The following KMT2C variants were observed in gnomAD, a reference collection of about 807,000 sequenced individuals.
KMT2C encodes the protein histone-lysine N-methyltransferase 2C.
KMT2C carries 88 observed loss-of-function variants against 507.9 expected under a neutral mutation model. The ratio of observed to expected loss-of-function variants is 0.17; its 90% CI spans 0.15 to 0.21. The LOEUF (loss-of-function observed/expected upper bound fraction) is 0.21. Ranked by LOEUF, KMT2C falls within the 10% of genes least tolerant of loss-of-function variation. The pLI, the probability that KMT2C is intolerant of heterozygous loss-of-function variation, is 1.00. For missense variants in KMT2C, 4,954 were observed against 5,957.8 expected (o/e 0.83, Z 5.55); for synonymous variants, 2,049 against 2,080.8 (o/e 0.98, Z 0.42).
chr7:152,389,173 C>T (rs1297347165), intron 1 of KMT2C, among the ~76,000 whole-genome samples: 3 of 151,976 alleles, frequency 2.0e-5, no homozygotes, highest in Admixed American at 1.3e-4. Flanking sequence ...TGAGCCACTG[C>T]GCCCAGCCAA....
rs558114012 is a variant in KMT2C, at chr7:152,167,431, A to AT, written c.9518-54dup. On this transcript the variant is annotated intron_variant, in intron 41 of 58. Transcript: ENST00000262189. Reference sequence around the variant, plus strand: ...TTAATTTTCTAAAGAGTCCAACATTATAAGTTACACAAATCTATTTTGTAA... The same window carrying AT: ...TTAATTTTCTAAAGAGTCCAACATTATTAAGTTACACAAATCTATTTTGTAA... The AT allele has an allele frequency of 7.4e-5, 90 of 1,211,686 alleles. No homozygotes were observed. The South Asian group carries it at 1.1e-3, about 15-fold the overall frequency. The allele number at this position is 1,211,686 out of a possible 1,614,324, so 75.1% of individuals were successfully genotyped here.
intron 27 of KMT2C, among the ~76,000 whole-genome samples, chr7:152,197,269 G>A (rs2093991588): frequency 6.6e-6 from 1 of 152,174 alleles, no homozygotes; most frequent in Admixed American, 6.5e-5. Flanking sequence ...GGATTCTACG[G>A]GTTTGGGCTT....
chr7:152,423,318 T>C (rs2097789745), intron 1 of KMT2C, among the ~76,000 whole-genome samples: 1 of 152,106 alleles, frequency 6.6e-6, no homozygotes, highest in African/African-American at 2.4e-5. Flanking sequence ...CCAGCCTGCA[T>C]GACAGAGCGA....
At chr7:152,246,664 A>G (rs1239950314) in intron 14 of KMT2C, among the ~76,000 whole-genome samples, 1 of 152,118 alleles carries the variant, frequency 6.6e-6, no homozygotes, top group Non-Finnish European at 1.5e-5. Flanking sequence ...GAACAACATA[A>G]TTATTATATA....
chr7:152,205,536 T>C (rs2094283771), intron 24 of KMT2C, among the ~76,000 whole-genome samples: 1 of 152,108 alleles, frequency 6.6e-6, no homozygotes. Flanking sequence ...ATTTGACAAA[T>C]ATTAGTGCCT....
chr7:152,140,331 T>G (rs187740884), intron 55 of KMT2C, among the ~76,000 whole-genome samples: 12 of 152,204 alleles, frequency 7.9e-5, no homozygotes, highest in Admixed American at 7.2e-4. Flanking sequence ...TGGAAACAAA[T>G]GAAGCTCTTG....
Position 152,163,841 on chromosome 7 carries a change from T to G in KMT2C, c.9751-15A>C, listed in dbSNP as rs935146085. ...TGTTTACGAATCTGGAATAACAAAATGCATCATTACTCATTTCTATACAGC... is the reference window on the plus strand; with the variant it reads ...TGTTTACGAATCTGGAATAACAAAAGGCATCATTACTCATTTCTATACAGC... On this transcript the variant is annotated splice_polypyrimidine_tract_variant and intron_variant, in intron 42 of 58. Transcript: ENST00000262189. 6.2e-7 allele frequency: 1 copy of G among 1,606,616 alleles called. No homozygotes were observed. The highest frequency in any genetic ancestry group is 8.5e-7 in the Non-Finnish European group (1 of 1,173,308).
chr7:152,178,743 GAAGAA>G (rs1037375002), intron 37 of KMT2C, among the ~76,000 whole-genome samples: 3 of 152,088 alleles, frequency 2.0e-5, no homozygotes, highest in Admixed American at 1.3e-4. Context: ...AACTAAGGTA[GAAGAA>G]AAGGAAACTA....
intron 2 of KMT2C, among the ~76,000 whole-genome samples, chr7:152,334,927 T>C (rs1430080166): frequency 6.6e-6 from 1 of 152,230 alleles, no homozygotes; most frequent in Non-Finnish European, 1.5e-5. Flanking sequence ...GTTTAACCCA[T>C]GCCCTAATTA....
In KMT2C at chr7:152,156,741, C is replaced by T. The variant is rs573029749; in HGVS notation, c.11671-395G>A. ...CCTTTAAGTTCTCATTAAGATATGC[C>T]CTAGTTCTATGAAAAACTTAAGAAT... On this transcript the variant is annotated intron_variant, in intron 44 of 58. Transcript: ENST00000262189. Among the ~76,000 whole-genome samples, 16 of 152,096 alleles carry T rather than the reference C, an allele frequency of 1.1e-4. No homozygotes were observed. The East Asian group carries it at 2.9e-3, about 27-fold the overall frequency.
At chr7:152,225,451 G>C (rs915602913) in intron 18 of KMT2C, among the ~76,000 whole-genome samples, 1 of 152,204 alleles carries the variant, frequency 6.6e-6, no homozygotes, top group Non-Finnish European at 1.5e-5. Context: ...TGCTAGAAGA[G>C]TATAAGTTTC....
chr7:152,259,489 C>CAT (rs1475340079), intron 9 of KMT2C, among the ~76,000 whole-genome samples: 27 of 113,778 alleles, frequency 2.4e-4, no homozygotes, highest in Non-Finnish European at 5.3e-4. Flanking sequence ...CACACACACA[C>CAT]AGAGAAAGCA....
chr7:152,152,804 G>A lies in KMT2C; in HGVS notation c.12427C>T (p.Leu4143Phe), dbSNP rs530766982. 1.5e-4 allele frequency: 235 copies of A among 1,614,166 alleles called. No individual in the cohort carries two copies. The South Asian group carries it at 2.3e-3, about 16-fold the overall frequency. Residue 4143 changes from leucine to phenylalanine, a missense_variant, in exon 49 of 59, where the codon CTT becomes TTT. This residue lies in a region of KMT2C where 417 missense variants were observed against 461.1 expected (regional missense o/e 0.90). Coordinates refer to ENST00000262189, the MANE Select transcript of KMT2C (RefSeq NM_170606.3). ...NPGLEYRQHL[L>F]LRGPPPGSAN... ...GATCCTGGCGGAGGCCCACGGAGAA[G>A]TAAATGCTGTCGATACTCCAAACCC...
Position 152,163,517 on chromosome 7 carries a change from G to C in KMT2C, c.10060C>G (p.Pro3354Ala). ...LPLNPPRIQP[P>A]IAQLPIKTCT... is the part of the protein sequence containing the mutation. ...GTTTTTATTGGTAACTGGGCAATTG[G>C]GGGCTGAATTCTAGGAGGATTGAGG... The change falls in exon 43 of 59, where the codon CCA (proline) becomes GCA (alanine). Residue 3354 changes from proline (P) to alanine (A), a missense_variant. Around this residue, in one of 29 missense-constraint regions of KMT2C, gnomAD observed 801 missense variants for 751.2 expected, o/e 1.07. Transcript: ENST00000262189. 1 of 1,613,342 alleles carries C rather than the reference G, an allele frequency of 6.2e-7. No homozygotes were observed. Among genetic ancestry groups the C allele is most frequent in the Non-Finnish European group, 8.5e-7 (1 of 1,179,448 alleles).
chr7:152,178,041 A>AGC (rs1554497463), intron 37 of KMT2C, 31 bp from the exon 38 acceptor site: 2 of 1,276,142 alleles, frequency 1.6e-6, no homozygotes, highest in Non-Finnish European at 2.0e-6. Context: ...AAAAAAAAAA[A>AGC]AGCAAATAGG....
chr7:152,195,696 TAGAA>T (rs2093941683), intron 28 of KMT2C: 2 of 294,392 alleles, frequency 6.8e-6, no homozygotes, highest in African/African-American at 2.3e-5. Context: ...GTGATGCAAT[TAGAA>T]AGACGACAGA....
chr7:152,374,167 T>C (rs2129243206), intron 1 of KMT2C, among the ~76,000 whole-genome samples: 1 of 151,640 alleles, frequency 6.6e-6, no homozygotes, highest in East Asian at 2.0e-4. Context: ...AATACAAAAA[T>C]TAGCCAGGCA....
intron 42 of KMT2C, 69 bp downstream of exon 42, chr7:152,167,077 T>G (rs1176078497): frequency 2.3e-6 from 3 of 1,288,192 alleles, no homozygotes; most frequent in Non-Finnish European, 3.3e-6. Context: ...AAGTCACTAA[T>G]GAACAACACA....
chr7:152,354,751 C>G (rs2097139514), intron 2 of KMT2C, among the ~76,000 whole-genome samples: 1 of 152,036 alleles, frequency 6.6e-6, no homozygotes, highest in South Asian at 2.1e-4. Flanking sequence ...AGCCAGGAGG[C>G]CAGTAAGGAT....
Sources: allele counts gnomAD v4.1 joint callset (sites outside exome capture counted in the v4.1 genomes callset), GRCh38; gene constraint gnomAD v4.1.1; regional missense constraint gnomAD v4.1.1; transcripts MANE v1.5; gene names NCBI Gene and HGNC (gene_info 2026-07-23, HGNC 2026-07-21).